The following ATP8B3 variants were observed in gnomAD, a reference collection of about 807,000 sequenced individuals.
The protein encoded by ATP8B3 is phospholipid-transporting ATPase IK.
In ATP8B3, 141 loss-of-function variants were observed where a neutral mutation model predicts 140.9. The observed-to-expected ratio is 1.00, with a 90% CI of 0.87 to 1.15. The LOEUF (loss-of-function observed/expected upper bound fraction) is 1.15. Among genes scored for constraint, ATP8B3 ranks in the 50% most tolerant of loss-of-function variants. The pLI is 0.00. For synonymous variants in ATP8B3, 765 were observed against 714.6 expected (o/e 1.07, Z -1.13); for missense variants, 1,874 against 1,740.6 (o/e 1.08, Z -1.36).
intron 18 of ATP8B3, 65 bp downstream of exon 18, chr19:1,795,809 AC>A (rs2068646988): frequency 1.2e-6 from 1 of 829,998 alleles, no homozygotes; most frequent in African/African-American, 1.8e-5. Flanking sequence ...ACACACACAC[AC>A]ACACACACAC....
At chr19:1,799,187 G>C (rs1404945877) in intron 14 of ATP8B3, 1 of 151,768 alleles carries the variant, frequency 6.6e-6, no homozygotes, top group Non-Finnish European at 1.5e-5. Flanking sequence ...GGCTAGGTGT[G>C]GTGGCTCATG....
At position 1,787,191 on chromosome 19, in the gene ATP8B3, G is replaced by A. The variant is rs778418582; in HGVS notation, c.3070-5C>T. On this transcript the variant is annotated splice_region_variant and splice_polypyrimidine_tract_variant and intron_variant, in intron 24 of 28. Transcript: ENST00000310127. ...GAACCATCCTTCATACAGGGGCTGAGCCGGGGGAGAAGGGCAAGGAGAACA... is the reference window on the plus strand; with the variant it reads ...GAACCATCCTTCATACAGGGGCTGAACCGGGGGAGAAGGGCAAGGAGAACA... 15 of 1,606,290 alleles carry A rather than the reference G, an allele frequency of 9.3e-6. No individual in the cohort carries two copies. Among genetic ancestry groups the A allele is most frequent in the Non-Finnish European group, 1.3e-5 (15 of 1,175,912 alleles).
At position 1,789,117 on chromosome 19, in the gene ATP8B3, G is replaced by A. The variant is rs755296126; in HGVS notation, c.2849C>T (p.Ala950Val). The A allele has an allele frequency of 2.4e-5, 38 of 1,579,646 alleles. No individual in the cohort carries two copies. The highest frequency in any genetic ancestry group is 3.1e-5 in the Non-Finnish European group (36 of 1,169,126). ...GANDINMIKT[A>V]DVGVGLAGQE... ...GCCCGCCAGCCCCACGCCCACGTCCGCGGCTGCAGGGCACAAGCAGCTGGT... is the reference window on the plus strand; with the variant it reads ...GCCCGCCAGCCCCACGCCCACGTCCACGGCTGCAGGGCACAAGCAGCTGGT... The change falls in exon 24 of 29, where the codon GCG becomes GTG. Residue 950 changes from alanine (A) to valine (V), a missense_variant. Coordinates refer to ENST00000310127, the MANE Select transcript of ATP8B3 (RefSeq NM_138813.4).
At chr19:1,802,407 A>ACCCCCCCCCC in intron 11 of ATP8B3, 80 bp downstream of exon 11, 2 of 318,102 alleles carry the variant, frequency 6.3e-6, no homozygotes, top group South Asian at 2.0e-5. Flanking sequence ...CCACCCACCT[A>ACCCCCCCCCC]CCCACCCACC....
At position 1,805,322 on chromosome 19, in the gene ATP8B3, T is replaced by G; in HGVS notation, c.904+52A>C. ...AATAACAACAACAAAATACCCTAAC[T>G]TTTAACTTTTACAGATTCGAGGGAC... On this transcript the variant is annotated intron_variant, in intron 10 of 28. Transcript: ENST00000310127. The surrounding 1 kb of genome is among the most constrained non-coding windows in gnomAD (Gnocchi z 5.2). 6.7e-7 allele frequency: 1 copy of G among 1,488,936 alleles called. No homozygotes were observed. The highest frequency in any genetic ancestry group is 1.2e-5 in the South Asian group (1 of 82,852). The allele number at this position is 1,488,936 out of a possible 1,614,324, so 92.2% of individuals were successfully genotyped here. A position where few individuals can be genotyped will look rare whatever the true frequency, so the allele number is the denominator to read the frequency against.
chr19:1,795,530 G>A (rs1220524564), intron 18 of ATP8B3, among the ~76,000 whole-genome samples: 3 of 151,958 alleles, frequency 2.0e-5, no homozygotes, highest in South Asian at 2.1e-4. Flanking sequence ...CAGCCTGGGC[G>A]ACAGAGCAAG....
intron 23 of ATP8B3, 78 bp from the exon 24 acceptor site, chr19:1,789,198 GC>G: frequency 9.6e-7 from 1 of 1,043,122 alleles, no homozygotes; most frequent in Admixed American, 2.7e-5. Flanking sequence ...GCACTGTTCT[GC>G]CCCCTATCAG....
intron 26 of ATP8B3, 28 bp from the exon 27 acceptor site, chr19:1,785,325 G>C (rs374345956): frequency 1.9e-6 from 3 of 1,562,790 alleles, no homozygotes; most frequent in East Asian, 4.5e-5. Context: ...GGGTAAATCC[G>C]GGGCCTAGCG....
At position 1,782,910 on chromosome 19, in the gene ATP8B3, A is replaced by C; in HGVS notation, c.*118T>G. The C allele has an allele frequency of 7.4e-7, 1 of 1,346,572 alleles. No individual in the cohort carries two copies. Among genetic ancestry groups the C allele is most frequent in the Non-Finnish European group, 1.0e-6 (1 of 998,092 alleles). 83.4% of individuals were successfully genotyped at this position (1,346,572 alleles called of 1,614,324 possible). On this transcript the variant is annotated 3_prime_UTR_variant, in exon 29 of 29. Transcript: ENST00000310127. ...GGTTGGTTTTCTGGATGAAGAGCGG[A>C]TTGTCTATCCATAGAAAATGATGAG...
chr19:1,811,452 C>A (rs759504895), intron 2 of ATP8B3, 37 bp downstream of exon 2: 1 of 1,593,668 alleles, frequency 6.3e-7, no homozygotes, highest in Non-Finnish European at 8.5e-7. Flanking sequence ...CAAGCCCCTG[C>A]CCCTGTGTTC....
rs138508234 is a variant in ATP8B3 at position 1,791,719 on chromosome 19, G to T, written c.2302+31C>A. ...AAGTTTGAAGACCCATGCTGCAGGG[G>T]CTTAGCCACCCGGAGCTGCCCGGGA... On this transcript the variant is annotated intron_variant, in intron 20 of 28. Transcript: ENST00000310127. 1.0e-4 allele frequency: 162 copies of T among 1,544,268 alleles called. 1 individual carries two copies. In the East Asian group the frequency reaches 3.4e-3, roughly 33 times the overall value.
intron 10 of ATP8B3, among the ~76,000 whole-genome samples, chr19:1,804,499 T>G (rs1291598284): frequency 6.6e-6 from 1 of 151,932 alleles, no homozygotes; most frequent in East Asian, 1.9e-4. Flanking sequence ...TCCCAGCTAC[T>G]CGGAAGGCTG....
chr19:1,785,199 G>A lies in ATP8B3; in HGVS notation c.3492C>T (p.Phe1164=), dbSNP rs1309047479. ...YAIMTTTTQS[F]WLFRVSPTTF... The stretch of plus-strand genomic sequence containing the variant: ...TCGTGGGGGATACTCTGAAGAGCCA[G>A]AAGCTCTGGGTGGTGGTAGTCATGA... Residue 1164 remains phenylalanine (F), a synonymous_variant, in exon 27 of 29, where the codon TTC becomes TTT. Transcript: ENST00000310127. 4 of 1,602,946 alleles carry A rather than the reference G, an allele frequency of 2.5e-6. No individual in the cohort carries two copies. Among genetic ancestry groups the A allele is most frequent in the Non-Finnish European group, 3.4e-6 (4 of 1,174,998 alleles).
chr19:1,791,984 T>C lies in ATP8B3; in HGVS notation c.2190+17A>G. ...CTGCCCACCCACCCTGAGGTCCTGC[T>C]CCATCTCGTTGTACACCTGTTGCAG... On this transcript the variant is annotated intron_variant, in intron 19 of 28. Coordinates refer to ENST00000310127, the MANE Select transcript of ATP8B3 (RefSeq NM_138813.4). The C allele has an allele frequency of 7.1e-7, 1 of 1,412,254 alleles. No homozygotes were observed. 87.5% of individuals were successfully genotyped at this position (1,412,254 alleles called of 1,614,324 possible). A position where few individuals can be genotyped will look rare whatever the true frequency, so the allele number is the denominator to read the frequency against.
intron 1 of ATP8B3, 31 bp from the exon 2 acceptor site, chr19:1,811,915 C>A: frequency 1.4e-6 from 1 of 694,166 alleles, no homozygotes; most frequent in Non-Finnish European, 2.3e-6. Context: ...GGACACAGCG[C>A]TGGCTTCCTG....
Position 1,802,607 on chromosome 19 carries a change from G to T in ATP8B3, c.943C>A (p.His315Asn). Residue 315 changes from histidine to asparagine, a missense_variant, in exon 11 of 29, where the codon CAC becomes AAC. Coordinates refer to ENST00000310127, the MANE Select transcript of ATP8B3 (RefSeq NM_138813.4). ...TCEAPNSRMH[H>N]FVGCLEWNDK... Reference sequence around the variant, plus strand: ...TTCCATTCCAGGCACCCCACGAAGTGGTGCATCCGACTGTTAGGCGCCTCA... The same window carrying T: ...TTCCATTCCAGGCACCCCACGAAGTTGTGCATCCGACTGTTAGGCGCCTCA... 1.2e-6 allele frequency: 2 copies of T among 1,611,852 alleles called. No homozygotes were observed. The highest frequency in any genetic ancestry group is 1.7e-6 in the Non-Finnish European group (2 of 1,179,580).
intron 16 of ATP8B3, 44 bp from the exon 17 acceptor site, chr19:1,796,309 G>T (rs752221045): frequency 6.6e-7 from 1 of 1,506,068 alleles, no homozygotes; most frequent in Admixed American, 1.9e-5. Flanking sequence ...GGTGGAGCCC[G>T]TCTCCATCTC....
chr19:1,807,153 T>C lies in ATP8B3; in HGVS notation c.615+15A>G, dbSNP rs2069050516. On this transcript the variant is annotated intron_variant, in intron 6 of 28. Transcript: ENST00000310127. The surrounding 1 kb of genome is among the most constrained non-coding windows in gnomAD (Gnocchi z 5.9). Reference sequence around the variant, plus strand: ...CCGCTCCCTCCCCCAGGCAGCTGCATCCAACAGCACTCACCATGTCGTCCA... The same window carrying C: ...CCGCTCCCTCCCCCAGGCAGCTGCACCCAACAGCACTCACCATGTCGTCCA... 1 of 1,602,664 alleles carries C rather than the reference T, an allele frequency of 6.2e-7. No homozygotes were observed. The highest frequency in any genetic ancestry group is 8.5e-7 in the Non-Finnish European group (1 of 1,172,144).
chr19:1,799,790 C>A (rs2145194768), intron 14 of ATP8B3, 157 bp downstream of exon 14: 2 of 760,842 alleles, frequency 2.6e-6, no homozygotes, highest in Non-Finnish European at 4.2e-6. Flanking sequence ...TTTTCCTGGC[C>A]CCCTCCAAAG....
Sources: gnomAD v4.1 joint callset for allele counts (sites outside exome capture counted in the v4.1 genomes callset) on GRCh38, gnomAD v4.1.1 for gene constraint, Gnocchi (gnomAD v3.1) non-coding constraint, MANE v1.5 for transcripts, NCBI Gene and HGNC (gene_info 2026-07-23, HGNC 2026-07-21) for gene names.